ADARB2: variants seen among roughly 807,000 people sequenced by gnomAD.
ADARB2 encodes the protein inactive double-stranded RNA-specific editase B2.
Under a neutral mutation model 62.2 loss-of-function variants are expected in ADARB2, and 25 were observed. The ratio of observed to expected loss-of-function variants is 0.40; its 90% confidence interval spans 0.29 to 0.56. The LOEUF (loss-of-function observed/expected upper bound fraction) is 0.56, where lower values mean the gene tolerates loss of function less well. Ranked by LOEUF, ADARB2 falls within the 20% of genes least tolerant of loss-of-function variation. The probability of loss-of-function intolerance (pLI) is 0.43; values close to 1 mark genes in which losing one functional copy is unlikely to be tolerated. For synonymous variants in ADARB2, 572 were observed against 500.8 expected, an observed-to-expected ratio of 1.14 and a Z score of -1.90; for missense variants, 1,071 against 1,077.4, an observed-to-expected ratio of 0.99 and a Z score of 0.08.
chr10:1,662,063 C>T (rs376192129), intron 1 of ADARB2, among the ~76,000 whole-genome samples: 6 of 152,168 alleles, frequency 3.9e-5, no homozygotes, highest in African/African-American at 1.2e-4. Flanking sequence ...ACCCTAAGCC[C>T]GGGACCCAGA....
chr10:1,586,888 G>T (rs1022793803), intron 1 of ADARB2, among the ~76,000 whole-genome samples: 3 of 152,088 alleles, frequency 2.0e-5, no homozygotes, highest in African/African-American at 4.8e-5. Flanking sequence ...ACAATAAACA[G>T]AAATGAAATA....
At chr10:1,593,787 TTCTC>T (rs1384296315) in intron 1 of ADARB2, among the ~76,000 whole-genome samples, 1 of 152,238 alleles carries the variant, frequency 6.6e-6, no homozygotes, top group African/African-American at 2.4e-5. Context: ...ACTTTTACCC[TTCTC>T]TCTCTTTTTT....
intron 1 of ADARB2, among the ~76,000 whole-genome samples, chr10:1,387,384 A>G (rs1264821113): frequency 6.6e-6 from 1 of 151,944 alleles, no homozygotes; most frequent in Non-Finnish European, 1.5e-5. Flanking sequence ...AAAAGGAGAA[A>G]AAAACTTCCA....
chr10:1,454,169 T>C (rs1831070941), intron 1 of ADARB2, among the ~76,000 whole-genome samples: 1 of 152,126 alleles, frequency 6.6e-6, no homozygotes, highest in South Asian at 2.1e-4. Flanking sequence ...GCAGGGGAAC[T>C]GCCCTTTATT....
At chr10:1,634,600 G>T (rs144349597) in intron 1 of ADARB2, among the ~76,000 whole-genome samples, 1 of 152,170 alleles carries the variant, frequency 6.6e-6, no homozygotes, top group Non-Finnish European at 1.5e-5. Context: ...GCCAAGTATT[G>T]TCATATACTT....
At chr10:1,305,178 GAGA>G (rs1228880995) in intron 3 of ADARB2, among the ~76,000 whole-genome samples, 3 of 144,976 alleles carry the variant, frequency 2.1e-5, no homozygotes, top group African/African-American at 7.4e-5. Flanking sequence ...GAAAAAAAGA[GAGA>G]AGAATCAAAT....
chr10:1,585,905 G>T (rs970848682), intron 1 of ADARB2, among the ~76,000 whole-genome samples: 1 of 152,150 alleles, frequency 6.6e-6, no homozygotes, highest in African/African-American at 2.4e-5. Flanking sequence ...GGGGTGGCGG[G>T]CGGCTGTAGT....
chr10:1,335,444 A>G (rs1433700311), intron 3 of ADARB2, among the ~76,000 whole-genome samples: 1 of 126,940 alleles, frequency 7.9e-6, no homozygotes, highest in Non-Finnish European at 1.6e-5. Flanking sequence ...AAATAGAGGA[A>G]GGGATGGGTA....
At position 1,479,432 on chromosome 10, in the gene ADARB2, G is replaced by A. The variant is rs867840431; in HGVS notation, c.101-100272C>T. On this transcript the variant is annotated intron_variant, in intron 1 of 9. Transcript: ENST00000381312. Reference sequence around the variant, plus strand: ...GCGGGTTTGTGTGGCTTCAGGGCCCGGACAGCAGAGGCTGGGAGATGGAGT... The same window carrying A: ...GCGGGTTTGTGTGGCTTCAGGGCCCAGACAGCAGAGGCTGGGAGATGGAGT... 3.9e-5 allele frequency among the ~76,000 whole-genome samples: 6 copies of A among 152,178 alleles called. No homozygotes were observed. The East Asian group carries it at 9.6e-4, about 24-fold the overall frequency.
intron 8 of ADARB2, among the ~76,000 whole-genome samples, chr10:1,189,582 C>T (rs771409118): frequency 3.3e-5 from 5 of 152,064 alleles, no homozygotes; most frequent in Non-Finnish European, 7.3e-5. Flanking sequence ...CTGAAGTGGG[C>T]ATCGGCTGAT....
At position 1,504,889 on chromosome 10, in the gene ADARB2, G is replaced by A. The variant is rs191467101; in HGVS notation, c.101-125729C>T. ...TGAAATCCCTGAATCTGGGACCCAGGTTCTAGGAATGCAAACACACACACA... is the reference window on the plus strand; with the variant it reads ...TGAAATCCCTGAATCTGGGACCCAGATTCTAGGAATGCAAACACACACACA... On this transcript the variant is annotated intron_variant, in intron 1 of 9. Coordinates refer to ENST00000381312, the MANE Select transcript of ADARB2 (RefSeq NM_018702.4). Among the ~76,000 whole-genome samples, 425 of 152,098 alleles carry A rather than the reference G, an allele frequency of 2.8e-3. 2 individuals carry two copies. Among genetic ancestry groups the A allele is most frequent in the Non-Finnish European group, 4.5e-3 (307 of 68,010 alleles).
intron 1 of ADARB2, among the ~76,000 whole-genome samples, chr10:1,458,912 C>G (rs1349111178): frequency 6.6e-6 from 1 of 152,148 alleles, no homozygotes; most frequent in Non-Finnish European, 1.5e-5. Flanking sequence ...AAAGAAGACA[C>G]TTATGCAGGC....
chr10:1,497,548 G>A (rs887006294), intron 1 of ADARB2, among the ~76,000 whole-genome samples: 1 of 152,064 alleles, frequency 6.6e-6, no homozygotes, highest in Non-Finnish European at 1.5e-5. Flanking sequence ...AACACTTATT[G>A]TTCTCCTTTC....
intron 1 of ADARB2, among the ~76,000 whole-genome samples, chr10:1,550,862 C>T (rs907183296): frequency 2.3e-5 from 3 of 131,582 alleles, no homozygotes; most frequent in East Asian, 4.2e-4. Context: ...CCCAGGCCGC[C>T]GTGCGAGCCC....
At chr10:1,344,448 G>A (rs549929459) in intron 3 of ADARB2, among the ~76,000 whole-genome samples, 13 of 152,158 alleles carry the variant, frequency 8.5e-5, no homozygotes, top group African/African-American at 3.1e-4. Flanking sequence ...CTTTAGTAAA[G>A]AATTAAAGTT....
At position 1,183,028 on chromosome 10, in the gene ADARB2, T is replaced by G; in HGVS notation, c.*165A>C. 1.3e-6 allele frequency: 1 copy of G among 784,662 alleles called. No individual in the cohort carries two copies. Among genetic ancestry groups the G allele is most frequent in the Non-Finnish European group, 2.0e-6 (1 of 503,524 alleles). 48.6% of individuals were successfully genotyped at this position (784,662 alleles called of 1,614,324 possible). A position where few individuals can be genotyped will look rare whatever the true frequency, so the allele number is the denominator to read the frequency against. ...GGCCAGCGATCTGGAAAGAGGCACG[T>G]TCTGAATTTGTGTTGTTGCTCGTCC... On this transcript the variant is annotated 3_prime_UTR_variant, in exon 10 of 10. Coordinates refer to ENST00000381312, the MANE Select transcript of ADARB2 (RefSeq NM_018702.4).
Position 1,216,966 on chromosome 10 carries a change from G to A in ADARB2, c.1667C>T (p.Thr556Met), listed in dbSNP as rs760242914. The A allele has an allele frequency of 4.4e-6, 7 of 1,607,454 alleles. No homozygotes were observed. Among genetic ancestry groups the A allele is most frequent in the South Asian group, 2.2e-5 (2 of 90,904 alleles). Residue 556 changes from threonine (T) to methionine (M), a missense_variant, in exon 7 of 10, where the codon ACG (threonine) becomes ATG (methionine). Physicochemically the swap from Thr to Met is moderately conservative, Grantham distance 81. Transcript: ENST00000381312. ...TGGGCCTCACCTGGCGATCTTGTCC[G>A]TGCAGGACATGGTGATCAGCTGCTC... is the stretch of plus-strand genomic sequence containing the variant. ...LGEQLITMSCTDKIARWNVLG... is the reference protein window; with the variant it reads ...LGEQLITMSCMDKIARWNVLG...
At position 1,624,468 on chromosome 10, in the gene ADARB2, C is replaced by T. The variant is rs1025046447; in HGVS notation, c.100+112583G>A. ...CGAGCACGCCCTCCCACCTTGCCTC[C>T]CCACCGGCTGGGGACCATGGTGTGC... On this transcript the variant is annotated intron_variant, in intron 1 of 9. Coordinates refer to ENST00000381312, the MANE Select transcript of ADARB2 (RefSeq NM_018702.4). 2.6e-4 allele frequency among the ~76,000 whole-genome samples: 39 copies of T among 152,100 alleles called. 1 individual carries two copies. The highest frequency in any genetic ancestry group is 9.4e-4 in the African/African-American group (39 of 41,396).
At chr10:1,370,079 C>T (rs553941979) in intron 2 of ADARB2, among the ~76,000 whole-genome samples, 1 of 152,318 alleles carries the variant, frequency 6.6e-6, no homozygotes, top group East Asian at 1.9e-4. Context: ...GTGATTTCAG[C>T]AACACATCAA....
Sources: gnomAD v4.1 joint callset for allele counts (sites outside exome capture counted in the v4.1 genomes callset) on GRCh38, gnomAD v4.1.1 for gene constraint, MANE v1.5 for transcripts, NCBI Gene and HGNC (gene_info 2026-07-23, HGNC 2026-07-21) for gene names.